Variants in PSD2 observed in about 807,000 individuals in gnomAD.
The protein encoded by PSD2 is PH and SEC7 domain-containing protein 2.
Under a neutral mutation model 69.8 loss-of-function variants are expected in PSD2, and 38 were observed. The observed-to-expected ratio is 0.54, with a 90% confidence interval of 0.42 to 0.71. The LOEUF (loss-of-function observed/expected upper bound fraction) is 0.71, where lower values mean the gene tolerates loss of function less well. PSD2 is among the 30% of genes least tolerant of loss of function. PSD2 has a pLI of 0.00. For missense variants in PSD2, 943 were observed against 1,014.5 expected (o/e 0.93, Z 0.96); for synonymous variants, 412 against 423.0 (o/e 0.97, Z 0.32).
intron 1 of PSD2, among the ~76,000 whole-genome samples, chr5:139,799,688 G>T (rs73263133): frequency 0.016 from 2,374 of 152,246 alleles, 65 homozygotes; most frequent in African/African-American, 0.051. Flanking sequence ...CACAAGACAG[G>T]GGGGACAGCA....
chr5:139,789,981 A>G, the PSD2 span, among the ~76,000 whole-genome samples: 1 of 151,504 alleles, frequency 6.6e-6, no homozygotes, highest in Non-Finnish European at 1.5e-5. Context: ...TTAGGCAGAG[A>G]GCAGCACGGG....
At chr5:139,766,933 CTT>C in the PSD2 span, among the ~76,000 whole-genome samples, 1 of 50,980 alleles carries the variant, frequency 2.0e-5, no homozygotes, top group Non-Finnish European at 3.9e-5. Context: ...TCCTTCCCTT[CTT>C]TCTTTCTTTC....
chr5:139,746,097 T>C, the PSD2 span: 2 of 151,830 alleles, frequency 1.3e-5, no homozygotes, highest in Non-Finnish European at 2.9e-5. The surrounding 1 kb of genome is among the most constrained non-coding windows in gnomAD (Gnocchi z 4.5). Context: ...CCTCTCTGTC[T>C]CTCCAGACTC....
At chr5:139,779,070 G>C in the PSD2 span, among the ~76,000 whole-genome samples, 1 of 151,680 alleles carries the variant, frequency 6.6e-6, no homozygotes, top group Admixed American at 6.6e-5. Context: ...AATGCTGACA[G>C]CTGTGGGCCT....
Position 139,844,060 on chromosome 5 carries a change from C to G in PSD2, c.*1586C>G, listed in dbSNP as rs1030583578. 2.0e-5 allele frequency: 3 copies of G among 152,150 alleles called. No individual in the cohort carries two copies. Among genetic ancestry groups the G allele is most frequent in the African/African-American group, 7.2e-5 (3 of 41,420 alleles). The allele number at this position is 152,150 out of a possible 1,614,324, so 9.4% of individuals were successfully genotyped here. On this transcript the variant is annotated 3_prime_UTR_variant, in exon 15 of 15. Transcript: ENST00000274710. ...GGATCAGCTGAAGTGTGTTTTAGAC[C>G]CAAACCATCTGGCCCCTTCGTTTTG...
At chr5:139,804,694 C>G (rs775820390) in intron 1 of PSD2, among the ~76,000 whole-genome samples, 47 of 152,224 alleles carry the variant, frequency 3.1e-4, no homozygotes, top group Non-Finnish European at 5.9e-4. Flanking sequence ...GAACAATTTT[C>G]TCTGATCCCA....
At chr5:139,824,203 A>G (rs1760349773) in intron 7 of PSD2, among the ~76,000 whole-genome samples, 1 of 152,172 alleles carries the variant, frequency 6.6e-6, no homozygotes, top group African/African-American at 2.4e-5. Flanking sequence ...AGAACTGCTA[A>G]GGAGGGCGGC....
At chr5:139,797,505 C>A (rs1419380111) in intron 1 of PSD2, among the ~76,000 whole-genome samples, 1 of 152,200 alleles carries the variant, frequency 6.6e-6, no homozygotes, top group African/African-American at 2.4e-5. Context: ...TGCAGCTTGT[C>A]CTGGTCTGAC....
chr5:139,758,603 T>C, the PSD2 span, among the ~76,000 whole-genome samples: 1 of 152,032 alleles, frequency 6.6e-6, no homozygotes, highest in Non-Finnish European at 1.5e-5. Flanking sequence ...GACTGGAAGG[T>C]AAATGAGAGA....
chr5:139,830,565 C>CCTTCCTTTCTTTCTTT (rs1554096354), intron 7 of PSD2, among the ~76,000 whole-genome samples: 10 of 120,416 alleles, frequency 8.3e-5, no homozygotes, highest in African/African-American at 2.9e-4. Context: ...TTCCTTCCTT[C>CCTTCCTTTCTTTCTTT]CTTTCTTTCT....
intron 1 of PSD2, among the ~76,000 whole-genome samples, chr5:139,804,389 G>A (rs1268788761): frequency 4.6e-5 from 7 of 152,188 alleles, no homozygotes; most frequent in African/African-American, 1.7e-4. Context: ...GTCCAGATTA[G>A]GGTATGGAAT....
chr5:139,776,460 G>A, the PSD2 span, among the ~76,000 whole-genome samples: 6 of 152,214 alleles, frequency 3.9e-5, no homozygotes, highest in South Asian at 2.1e-4. Flanking sequence ...GGCAGGGGCT[G>A]AGGCTTTGTT....
chr5:139,766,015 G>C, the PSD2 span, among the ~76,000 whole-genome samples: 1 of 152,224 alleles, frequency 6.6e-6, no homozygotes, highest in South Asian at 2.1e-4. Flanking sequence ...ATGGGGTGAC[G>C]GCAAGCCAGG....
At chr5:139,824,661 C>G (rs574780038) in intron 7 of PSD2, among the ~76,000 whole-genome samples, 1 of 152,150 alleles carries the variant, frequency 6.6e-6, no homozygotes, top group Non-Finnish European at 1.5e-5. Flanking sequence ...TTGCTCCACA[C>G]GAAGGCTGTG....
upstream of PSD2, among the ~76,000 whole-genome samples, chr5:139,791,932 A>G (rs1383241166): frequency 1.3e-5 from 2 of 152,200 alleles, no homozygotes; most frequent in African/African-American, 2.4e-5. Flanking sequence ...CTTTGCTGTA[A>G]TAGGTAAAGA....
rs74884861 is a variant in PSD2 at position 139,803,420 on chromosome 5, G to A, written c.-50-5971G>A. Among the ~76,000 whole-genome samples the A allele has an allele frequency of 3.6e-3, 552 of 152,358 alleles. 28 individuals are homozygous for A. In the South Asian group the frequency reaches 0.087, roughly 24 times the overall value. On this transcript the variant is annotated intron_variant, in intron 1 of 14. Transcript: ENST00000274710. ...CTTGGTTCCTTGCAGCCCCCAGAAG[G>A]TTTTGGGAGGCAGCAGCCCTCCCTT... is the stretch of plus-strand genomic sequence containing the variant.
At chr5:139,766,004 G>T in the PSD2 span, among the ~76,000 whole-genome samples, 1 of 152,138 alleles carries the variant, frequency 6.6e-6, no homozygotes, top group African/African-American at 2.4e-5. Context: ...AGCTGGCGGC[G>T]ATGGGGTGAC....
chr5:139,764,199 G>C, the PSD2 span, among the ~76,000 whole-genome samples: 4 of 152,178 alleles, frequency 2.6e-5, no homozygotes, highest in Admixed American at 2.0e-4. Flanking sequence ...CCTCCCCTGC[G>C]GGCTGCGAGA....
chr5:139,765,355 A>G, the PSD2 span, among the ~76,000 whole-genome samples: 1 of 151,674 alleles, frequency 6.6e-6, no homozygotes, highest in Non-Finnish European at 1.5e-5. Flanking sequence ...CCACTTAAAT[A>G]GCCCCCAGGG....
Sources: gnomAD v4.1 joint callset for allele counts (sites outside exome capture counted in the v4.1 genomes callset) on GRCh38, gnomAD v4.1.1 for gene constraint, Gnocchi (gnomAD v3.1) non-coding constraint, MANE v1.5 for transcripts, NCBI Gene and HGNC (gene_info 2026-07-23, HGNC 2026-07-21) for gene names.